Variants in TLL2 observed in about 807,000 individuals in gnomAD.
TLL2 encodes the protein tolloid like 2.
In TLL2, 106 loss-of-function variants were observed where a neutral mutation model predicts 123.0. That is an observed-to-expected ratio of 0.86 (90% CI 0.74 to 1.01). The LOEUF (loss-of-function observed/expected upper bound fraction) is 1.01. TLL2 is among the 50% of genes least tolerant of loss of function. The pLI is 0.00. For missense variants in TLL2, 1,332 were observed against 1,336.7 expected (o/e 1.00, Z 0.06); for synonymous variants, 494 against 516.8 (o/e 0.96, Z 0.60).
chr10:96,427,850 A>C (rs1389331992), intron 5 of TLL2, among the ~76,000 whole-genome samples: 2 of 152,124 alleles, frequency 1.3e-5, no homozygotes, highest in East Asian at 3.8e-4. Context: ...GCTGGAGTGC[A>C]ATGGCGGGAT....
At chr10:96,505,680 G>T (rs1223588590) in intron 1 of TLL2, among the ~76,000 whole-genome samples, 1 of 152,198 alleles carries the variant, frequency 6.6e-6, no homozygotes, top group Non-Finnish European at 1.5e-5. Flanking sequence ...AGCACCTGCT[G>T]CTTTGCCCAC....
intron 5 of TLL2, among the ~76,000 whole-genome samples, chr10:96,426,880 T>G (rs1158787824): frequency 6.6e-6 from 1 of 152,212 alleles, no homozygotes; most frequent in African/African-American, 2.4e-5. Context: ...CCTTGTGCTC[T>G]CCTTAGGTTT....
At chr10:96,404,955 C>T (rs1846435698) in intron 10 of TLL2, among the ~76,000 whole-genome samples, 1 of 152,138 alleles carries the variant, frequency 6.6e-6, no homozygotes, top group South Asian at 2.1e-4. Flanking sequence ...TGCAATTTTT[C>T]CTGCTTCAGT....
At chr10:96,448,037 C>T (rs1846916598) in intron 2 of TLL2, among the ~76,000 whole-genome samples, 2 of 152,196 alleles carry the variant, frequency 1.3e-5, no homozygotes, top group Admixed American at 1.3e-4. Flanking sequence ...GGTCCCGCTC[C>T]CAACTCCTCA....
At chr10:96,370,424 G>T in intron 19 of TLL2, 109 bp from the exon 20 acceptor site, 2 of 1,396,206 alleles carry the variant, frequency 1.4e-6, no homozygotes, top group Non-Finnish European at 1.9e-6. Flanking sequence ...TGGCAGGAGA[G>T]GCCAGGTAGT....
chr10:96,368,002 A>C lies in TLL2; in HGVS notation c.*86T>G. On this transcript the variant is annotated 3_prime_UTR_variant, in exon 21 of 21. Transcript: ENST00000357947. ...TGAGAAAAATACTGTACACTGTTTT[A>C]GGGCAGATTTTCAAGGTGCTATTGT... 4 of 1,521,712 alleles carry C rather than the reference A, an allele frequency of 2.6e-6. No homozygotes were observed. The highest frequency in any genetic ancestry group is 3.6e-6 in the Non-Finnish European group (4 of 1,117,738). 94.3% of individuals were successfully genotyped at this position (1,521,712 alleles called of 1,614,324 possible).
chr10:96,428,524 C>T, intron 5 of TLL2, 107 bp downstream of exon 5: 1 of 753,516 alleles, frequency 1.3e-6, no homozygotes, highest in Non-Finnish European at 2.2e-6. Context: ...ACCCTGGACT[C>T]CTCTAAATAA....
chr10:96,371,909 C>T (rs781469108), intron 19 of TLL2, among the ~76,000 whole-genome samples: 13 of 152,186 alleles, frequency 8.5e-5, no homozygotes, highest in Non-Finnish European at 1.8e-4. Context: ...GCATGCAGTC[C>T]TCTCTGTCTC....
chr10:96,397,309 A>G lies in TLL2; in HGVS notation c.1268-7T>C. The G allele has an allele frequency of 6.2e-7, 1 of 1,609,890 alleles. No individual in the cohort carries two copies. Among genetic ancestry groups the G allele is most frequent in the African/African-American group, 1.3e-5 (1 of 74,844 alleles). ...TTATCGCCACAAAACCTGCCTGGAA[A>G]GTGGAAAAAGAAGCAGTTAGGAGCC... On this transcript the variant is annotated splice_polypyrimidine_tract_variant and splice_region_variant and intron_variant, in intron 10 of 20. Coordinates refer to ENST00000357947, the MANE Select transcript of TLL2 (RefSeq NM_012465.4).
chr10:96,478,256 C>A (rs1292901732), intron 2 of TLL2, among the ~76,000 whole-genome samples: 1 of 152,246 alleles, frequency 6.6e-6, no homozygotes, highest in African/African-American at 2.4e-5. Flanking sequence ...AGAAAGGCAA[C>A]CCTGAGCATT....
rs1434590347 is a variant in TLL2, at chr10:96,490,477, G to C, written c.176-10018C>G. The stretch of plus-strand genomic sequence containing the variant: ...GGTTTTATCTAAGAAAACTTACATA[G>C]GATAAAACAGGTCTTGCACATTTGT... On this transcript the variant is annotated intron_variant, in intron 1 of 20. Transcript: ENST00000357947. Among the ~76,000 whole-genome samples the C allele has an allele frequency of 2.0e-5, 3 of 152,150 alleles. No homozygotes were observed. The East Asian group carries it at 5.8e-4, about 29-fold the overall frequency.
At chr10:96,463,324 C>T (rs1361687702) in intron 2 of TLL2, among the ~76,000 whole-genome samples, 3 of 152,164 alleles carry the variant, frequency 2.0e-5, no homozygotes, top group Non-Finnish European at 4.4e-5. Context: ...CAAGACCCAA[C>T]GTTCATTTCA....
chr10:96,453,560 T>C (rs1166305145), intron 2 of TLL2, among the ~76,000 whole-genome samples: 1 of 152,222 alleles, frequency 6.6e-6, no homozygotes, highest in East Asian at 1.9e-4. Flanking sequence ...CATCTCAACA[T>C]TTTGTATAAT....
intron 2 of TLL2, among the ~76,000 whole-genome samples, chr10:96,468,298 G>A (rs368054519): frequency 3.5e-4 from 54 of 152,218 alleles, no homozygotes; most frequent in African/African-American, 1.2e-3. Context: ...CCTTACATAG[G>A]TAGCTGCCGG....
In TLL2 at chr10:96,476,248, T is replaced by TTTTGTTG. The variant is rs1285354320; in HGVS notation, c.286+4100_286+4101insCAACAAA. On this transcript the variant is annotated intron_variant, in intron 2 of 20. Transcript: ENST00000357947. ...TATATATATATATATATATTTTATT[T>TTTTGTTG]TTGTTGTTGTTGTTGTTGTTGAGAC... 2.0e-3 allele frequency among the ~76,000 whole-genome samples: 139 copies of TTTTGTTG among 69,194 alleles called. 6 individuals carry two copies. Among genetic ancestry groups the TTTTGTTG allele is most frequent in the Non-Finnish European group, 2.9e-3 (107 of 36,434 alleles). 45.4% of individuals were successfully genotyped at this position (69,194 alleles called of 152,430 possible).
chr10:96,509,740 G>T (rs57194010), intron 1 of TLL2, among the ~76,000 whole-genome samples: 25,075 of 152,252 alleles, frequency 0.16, 2,294 homozygotes, highest in East Asian at 0.38. Context: ...GAGGTCAGGA[G>T]ATTGAGATCA....
chr10:96,511,772 C>T (rs887442422), intron 1 of TLL2, among the ~76,000 whole-genome samples: 1 of 152,234 alleles, frequency 6.6e-6, no homozygotes, highest in Non-Finnish European at 1.5e-5. Flanking sequence ...ATCACTTCCC[C>T]ACTCCGGGCC....
rs1846045026 is a variant in TLL2, at chr10:96,367,995, CTGTT to C, written c.*89_*92del. The C allele has an allele frequency of 2.7e-6, 4 of 1,472,994 alleles. No homozygotes were observed. The highest frequency in any genetic ancestry group is 3.6e-4 in the Middle Eastern group (2 of 5,502). 91.2% of individuals were successfully genotyped at this position (1,472,994 alleles called of 1,614,324 possible). On this transcript the variant is annotated 3_prime_UTR_variant, in exon 21 of 21. Coordinates refer to ENST00000357947, the MANE Select transcript of TLL2 (RefSeq NM_012465.4). ...TTTTGTTTGAGAAAAATACTGTACA[CTGTT>C]TTAGGGCAGATTTTCAAGGTGCTAT...
At chr10:96,419,674 G>C (rs1321158543) in intron 7 of TLL2, among the ~76,000 whole-genome samples, 4 of 152,174 alleles carry the variant, frequency 2.6e-5, no homozygotes, top group Non-Finnish European at 5.9e-5. Flanking sequence ...GGCCAGAGGA[G>C]CAGTACCCCC....
Sources: gnomAD v4.1 joint callset for allele counts (sites outside exome capture counted in the v4.1 genomes callset) on GRCh38, gnomAD v4.1.1 for gene constraint, MANE v1.5 for transcripts, NCBI Gene and HGNC (gene_info 2026-07-23, HGNC 2026-07-21) for gene names.